Variants in RGS7 observed in about 807,000 individuals in gnomAD.
RGS7 encodes the protein regulator of G-protein signaling 7.
In RGS7, 27 loss-of-function variants were observed where a neutral mutation model predicts 81.1. That is an observed-to-expected ratio of 0.33 (90% confidence interval 0.25 to 0.46). RGS7 has a LOEUF of 0.46. Ranked by LOEUF, RGS7 falls within the 20% of genes least tolerant of loss-of-function variation. The probability of loss-of-function intolerance (pLI) is 1.00; values close to 1 mark genes in which losing one functional copy is unlikely to be tolerated. For missense variants in RGS7, 396 were observed against 607.4 expected (o/e 0.65, Z 3.66); for synonymous variants, 208 against 207.7 (o/e 1.00, Z -0.01).
At chr1:241,104,648 C>A (rs931541881) in intron 2 of RGS7, among the ~76,000 whole-genome samples, 2 of 152,174 alleles carry the variant, frequency 1.3e-5, no homozygotes, top group African/African-American at 4.8e-5. Context: ...CAAACTGATT[C>A]ACTATGCGTG....
chr1:241,118,201 AT>A (rs1283645626), intron 2 of RGS7, among the ~76,000 whole-genome samples: 18 of 152,342 alleles, frequency 1.2e-4, no homozygotes, highest in Non-Finnish European at 2.5e-4. Flanking sequence ...ATAAGAGACT[AT>A]TGGGTACATT....
chr1:241,040,925 G>C (rs716279), intron 3 of RGS7, among the ~76,000 whole-genome samples: 17,080 of 152,088 alleles, frequency 0.11, 1,816 homozygotes, highest in African/African-American at 0.27. Flanking sequence ...GAACATGCAC[G>C]TGCAACTCCC....
intron 3 of RGS7, among the ~76,000 whole-genome samples, chr1:240,991,177 G>A (rs1686405927): frequency 6.6e-6 from 1 of 152,178 alleles, no homozygotes; most frequent in African/African-American, 2.4e-5. Flanking sequence ...TGTTCCTTGA[G>A]CAGACATTTT....
At chr1:240,835,401 A>G (rs997781786) in intron 9 of RGS7, among the ~76,000 whole-genome samples, 10 of 152,294 alleles carry the variant, frequency 6.6e-5, no homozygotes, top group African/African-American at 2.2e-4. Flanking sequence ...ACCACTACAC[A>G]CCTATTAGAA....
chr1:240,856,833 G>A (rs957810456), intron 9 of RGS7, among the ~76,000 whole-genome samples: 1 of 152,144 alleles, frequency 6.6e-6, no homozygotes, highest in Non-Finnish European at 1.5e-5. Context: ...TATGATTAGT[G>A]TGATTTTTCA....
intron 3 of RGS7, among the ~76,000 whole-genome samples, chr1:240,983,998 G>C (rs778604473): frequency 7.9e-5 from 12 of 152,204 alleles, no homozygotes; most frequent in African/African-American, 2.4e-4. Context: ...ATGAATAAGA[G>C]AGAAATTTAG....
chr1:241,011,409 T>C (rs1012640468), intron 3 of RGS7, among the ~76,000 whole-genome samples: 3 of 152,118 alleles, frequency 2.0e-5, no homozygotes, highest in African/African-American at 4.8e-5. Flanking sequence ...CTGGAGAAGA[T>C]GAAAGAGATC....
intron 9 of RGS7, 106 bp from the exon 10 acceptor site, chr1:240,827,278 G>C (rs1461798180): frequency 2.3e-6 from 2 of 872,154 alleles, no homozygotes; most frequent in Non-Finnish European, 3.9e-6. Context: ...ATGCCCCAAT[G>C]ACACAAATCA....
At chr1:240,941,384 A>G (rs1677552951) in intron 4 of RGS7, among the ~76,000 whole-genome samples, 1 of 148,842 alleles carries the variant, frequency 6.7e-6, no homozygotes, top group African/African-American at 2.6e-5. Flanking sequence ...AAATGCCTAG[A>G]TGAAAAATCA....
At chr1:240,832,754 C>G (rs1404632304) in intron 9 of RGS7, among the ~76,000 whole-genome samples, 1 of 152,084 alleles carries the variant, frequency 6.6e-6, no homozygotes, top group Non-Finnish European at 1.5e-5. Context: ...GAACAGTGTC[C>G]TAAACGACAG....
chr1:240,919,876 C>A lies in RGS7; in HGVS notation c.385+10841G>T, dbSNP rs1165703631. The A allele has an allele frequency of 2.1e-5, 20 of 952,486 alleles. No homozygotes were observed. The East Asian group carries it at 4.8e-4, about 23-fold the overall frequency. 59.0% of individuals were successfully genotyped at this position (952,486 alleles called of 1,614,324 possible). ...GGGGATGTGGCCATGAATGGAAGGC[C>A]ACACAAGGTGGATGGGAGAGTTGTG... On this transcript the variant is annotated intron_variant, in intron 6 of 18. Transcript: ENST00000440928.
chr1:241,048,275 T>G (rs1479473552), intron 3 of RGS7, among the ~76,000 whole-genome samples: 2 of 152,140 alleles, frequency 1.3e-5, no homozygotes, highest in Non-Finnish European at 2.9e-5. Context: ...GTGAGCCTAA[T>G]GAGGCACAGA....
chr1:240,862,925 A>ATGTGTGTG (rs150023240), intron 9 of RGS7, among the ~76,000 whole-genome samples: 2 of 144,560 alleles, frequency 1.4e-5, no homozygotes, highest in African/African-American at 5.0e-5. Context: ...TAAACTAAAT[A>ATGTGTGTG]TGTGTGTGTG....
At chr1:240,994,421 T>C (rs899209575) in intron 3 of RGS7, among the ~76,000 whole-genome samples, 1 of 152,214 alleles carries the variant, frequency 6.6e-6, no homozygotes, top group South Asian at 2.1e-4. Context: ...TATTTAATTT[T>C]TGGGCAATTT....
intron 15 of RGS7, 145 bp downstream of exon 15, chr1:240,805,995 T>C: frequency 1.3e-6 from 1 of 765,290 alleles, no homozygotes; most frequent in Non-Finnish European, 2.3e-6. Context: ...CTTTGTTCCT[T>C]CCTAGATCAG....
intron 2 of RGS7, among the ~76,000 whole-genome samples, chr1:241,214,559 T>C (rs1210894301): frequency 6.6e-6 from 1 of 152,070 alleles, no homozygotes; most frequent in African/African-American, 2.4e-5. Flanking sequence ...ATTTGGAAAA[T>C]TTTCAGCCAG....
chr1:240,798,770 T>C (rs1558267618), intron 18 of RGS7, among the ~76,000 whole-genome samples: 1 of 152,218 alleles, frequency 6.6e-6, no homozygotes, highest in South Asian at 2.1e-4. Context: ...AGATATTCAA[T>C]GAATGTGAGT....
At chr1:241,045,583 T>C (rs7544558) in intron 3 of RGS7, among the ~76,000 whole-genome samples, 50,198 of 151,878 alleles carry the variant, frequency 0.33, 8,900 homozygotes, top group African/African-American at 0.43. Flanking sequence ...AGGCTGGTCT[T>C]GAATTCCTGA....
intron 6 of RGS7, among the ~76,000 whole-genome samples, chr1:240,886,511 G>A (rs1358241979): frequency 6.6e-6 from 1 of 152,152 alleles, no homozygotes; most frequent in African/African-American, 2.4e-5. Flanking sequence ...AACCCCAAAT[G>A]ATCTTCAAAC....
Sources: allele counts gnomAD v4.1 joint callset (sites outside exome capture counted in the v4.1 genomes callset), GRCh38; gene constraint gnomAD v4.1.1; transcripts MANE v1.5; gene names NCBI Gene and HGNC (gene_info 2026-07-23, HGNC 2026-07-21).